PARD3B: variants seen among roughly 807,000 people sequenced by gnomAD.
The protein encoded by PARD3B is par-3 family cell polarity regulator beta, also known as partitioning defective 3 homolog B.
In PARD3B, 103 loss-of-function variants were observed where a neutral mutation model predicts 130.2. The observed-to-expected ratio is 0.79, with a 90% CI of 0.67 to 0.93. PARD3B has a LOEUF of 0.93. Ranked by LOEUF, PARD3B falls within the 40% of genes least tolerant of loss-of-function variation. The pLI, the probability that PARD3B is intolerant of heterozygous loss-of-function variation, is 0.00. For synonymous variants in PARD3B, 583 were observed against 553.2 expected (o/e 1.05, Z -0.76); for missense variants, 1,609 against 1,499.2 (o/e 1.07, Z -1.21).
intron 2 of PARD3B, among the ~76,000 whole-genome samples, chr2:204,941,806 T>TA (rs558275311): frequency 2.5e-3 from 384 of 151,848 alleles, no homozygotes; most frequent in Non-Finnish European, 4.1e-3. Flanking sequence ...TGGTTTTTTT[T>TA]AGAGTTCTCA....
chr2:205,473,678 GTGTA>G lies in PARD3B; in HGVS notation c.3045-26212_3045-26209del, dbSNP rs575708974. 2.6e-3 allele frequency among the ~76,000 whole-genome samples: 232 copies of G among 90,146 alleles called. 1 individual carries two copies. Among genetic ancestry groups the G allele is most frequent in the South Asian group, 0.012 (37 of 3,070 alleles). The allele number at this position is 90,146 out of a possible 152,430, so 59.1% of individuals were successfully genotyped here. ...TATGTGTGTGTGTGTGTGTGTGTGT[GTGTA>G]TGTATATATATATATATATATATAT... On this transcript the variant is annotated intron_variant, in intron 20 of 22. Coordinates refer to ENST00000406610, the MANE Select transcript of PARD3B (RefSeq NM_001302769.2). This position sits in a 1 kb window ranked among gnomAD's most constrained non-coding sequence, Gnocchi z 4.9.
rs903593660 is a variant in PARD3B at position 204,581,826 on chromosome 2, T to C, written c.120+35707T>C. On this transcript the variant is annotated intron_variant, in intron 1 of 22. Transcript: ENST00000406610. ...GGTGGGATGATTGCATCCTACAAAG[T>C]TCTTGACCAGAGAACTAATGTGGGG... Among the ~76,000 whole-genome samples, 5 of 152,294 alleles carry C rather than the reference T, an allele frequency of 3.3e-5. No homozygotes were observed. In the South Asian group the frequency reaches 8.3e-4, roughly 25 times the overall value.
chr2:205,411,309 T>C (rs2046589141), intron 19 of PARD3B, among the ~76,000 whole-genome samples: 1 of 152,154 alleles, frequency 6.6e-6, no homozygotes, highest in African/African-American at 2.4e-5. Context: ...AGGATATGTA[T>C]TTTGAAATTA....
chr2:204,920,272 C>T (rs2047619843), intron 2 of PARD3B, among the ~76,000 whole-genome samples: 1 of 152,184 alleles, frequency 6.6e-6, no homozygotes, highest in Admixed American at 6.5e-5. Context: ...TTACCTGTGG[C>T]AGTCACTTTT....
chr2:204,649,802 T>C (rs960175929), intron 1 of PARD3B, among the ~76,000 whole-genome samples: 1 of 152,124 alleles, frequency 6.6e-6, no homozygotes, highest in African/African-American at 2.4e-5. Context: ...AATCCAAAAC[T>C]ATAAAAAGCT....
At chr2:204,668,945 T>G (rs1313827226) in intron 1 of PARD3B, among the ~76,000 whole-genome samples, 1 of 152,120 alleles carries the variant, frequency 6.6e-6, no homozygotes, top group Non-Finnish European at 1.5e-5. Context: ...GTTTTGAAGT[T>G]GGAAGGGACC....
At chr2:205,376,578 G>T (rs1308683089) in intron 18 of PARD3B, among the ~76,000 whole-genome samples, 2 of 152,194 alleles carry the variant, frequency 1.3e-5, no homozygotes, top group Non-Finnish European at 2.9e-5. Flanking sequence ...TAGGGGTAAT[G>T]GTGGGGACTT....
chr2:205,415,729 GAA>G (rs531822156), intron 19 of PARD3B, among the ~76,000 whole-genome samples: 8 of 152,178 alleles, frequency 5.3e-5, no homozygotes, highest in African/African-American at 1.9e-4. Flanking sequence ...TCAATTCAAA[GAA>G]ATTTTTTTTT....
At chr2:204,685,602 A>G (rs952891720) in intron 1 of PARD3B, among the ~76,000 whole-genome samples, 9 of 152,202 alleles carry the variant, frequency 5.9e-5, no homozygotes, top group Admixed American at 3.9e-4. Flanking sequence ...AGTTGCTGCC[A>G]TGCTGCAGGA....
intron 12 of PARD3B, among the ~76,000 whole-genome samples, chr2:205,172,892 A>G (rs1214046922): frequency 3.9e-5 from 6 of 152,078 alleles, no homozygotes; most frequent in Non-Finnish European, 8.8e-5. Context: ...GAAATCTTTT[A>G]TTATTTTTTA....
rs1202174535 is a variant in PARD3B at position 205,530,458 on chromosome 2, A to G, written c.3181-22866A>G. Among the ~76,000 whole-genome samples, 1 of 152,044 alleles carries G rather than the reference A, an allele frequency of 6.6e-6. No homozygotes were observed. The highest frequency in any genetic ancestry group is 1.5e-5 in the Non-Finnish European group (1 of 67,996). ...TAATTTAAATGTTTGTTGATTCGTT[A>G]TTGTCTTTTTGTTTTTATTTTCTCC... is the stretch of plus-strand genomic sequence containing the variant. On this transcript the variant is annotated intron_variant, in intron 21 of 22. Transcript: ENST00000406610. This position sits in a 1 kb window ranked among gnomAD's most constrained non-coding sequence, Gnocchi z 4.7.
At chr2:204,872,448 A>G (rs577457594) in intron 2 of PARD3B, among the ~76,000 whole-genome samples, 3 of 152,248 alleles carry the variant, frequency 2.0e-5, no homozygotes, top group African/African-American at 7.2e-5. Flanking sequence ...TATCTTATCC[A>G]TGCCTACAGA....
At chr2:205,435,318 A>G (rs1235126521) in intron 19 of PARD3B, among the ~76,000 whole-genome samples, 3 of 152,074 alleles carry the variant, frequency 2.0e-5, no homozygotes, top group East Asian at 1.9e-4. Context: ...ACAGCTGCAT[A>G]ATACTTTTCT....
chr2:205,373,323 A>G (rs1243226561), intron 18 of PARD3B, among the ~76,000 whole-genome samples: 2 of 152,202 alleles, frequency 1.3e-5, no homozygotes, highest in Non-Finnish European at 2.9e-5. Context: ...TAGTCACTCC[A>G]TACCTGTTAA....
At chr2:205,273,796 G>A (rs1033620038) in intron 16 of PARD3B, among the ~76,000 whole-genome samples, 6 of 152,176 alleles carry the variant, frequency 3.9e-5, no homozygotes, top group African/African-American at 7.2e-5. Flanking sequence ...CAGTCGCACC[G>A]TATTCTGCGG....
At chr2:204,810,654 A>C (rs893812038) in intron 2 of PARD3B, among the ~76,000 whole-genome samples, 1 of 151,932 alleles carries the variant, frequency 6.6e-6, no homozygotes, top group Non-Finnish European at 1.5e-5. Flanking sequence ...ATCAGAGATA[A>C]GGCCTACTTG....
At chr2:205,427,755 A>C (rs1438602119) in intron 19 of PARD3B, among the ~76,000 whole-genome samples, 1 of 152,198 alleles carries the variant, frequency 6.6e-6, no homozygotes. Context: ...AAAAACTGAA[A>C]ACAAACGAAA....
intron 1 of PARD3B, among the ~76,000 whole-genome samples, chr2:204,587,406 G>T (rs1433815531): frequency 6.6e-6 from 1 of 152,068 alleles, no homozygotes; most frequent in Admixed American, 6.5e-5. Flanking sequence ...TTTATTCATT[G>T]TAGGCAATGA....
chr2:205,301,531 G>A lies in PARD3B; in HGVS notation c.2460G>A (p.Gly820=), dbSNP rs1268374097. The A allele has an allele frequency of 6.2e-7, 1 of 1,613,988 alleles. No homozygotes were observed. Among genetic ancestry groups the A allele is most frequent in the South Asian group, 1.1e-5 (1 of 91,064 alleles). Reference sequence around the variant, plus strand: ...TGAATTGTGAGTCTGCCCCTCAGGGGAATTCGGAGCTAGAGGACATGGAAA... The same window carrying A: ...TGAATTGTGAGTCTGCCCCTCAGGGAAATTCGGAGCTAGAGGACATGGAAA... ...GALNCESAPQ[G]NSELEDMENK... The change falls in exon 18 of 23, where the codon GGG becomes GGA. Residue 820 remains glycine (G), a synonymous_variant. Coordinates refer to ENST00000406610, the MANE Select transcript of PARD3B (RefSeq NM_001302769.2). This position sits in a 1 kb window ranked among gnomAD's most constrained non-coding sequence, Gnocchi z 5.2.
Sources: allele counts gnomAD v4.1 joint callset (sites outside exome capture counted in the v4.1 genomes callset), GRCh38; gene constraint gnomAD v4.1.1; non-coding constraint Gnocchi (gnomAD v3.1); transcripts MANE v1.5; gene names NCBI Gene and HGNC (gene_info 2026-07-23, HGNC 2026-07-21).